PAWR: variants seen among roughly 807,000 people sequenced by gnomAD.
The protein encoded by PAWR is pro-apoptotic WT1 regulator, also known as PRKC apoptosis WT1 regulator protein.
Under a neutral mutation model 32.0 loss-of-function variants are expected in PAWR, and 23 were observed. That is an observed-to-expected ratio of 0.72 (90% CI 0.52 to 1.02). The LOEUF (loss-of-function observed/expected upper bound fraction) is 1.02. PAWR is among the 50% of genes least tolerant of loss of function. PAWR has a pLI of 0.00. For missense variants in PAWR, 457 were observed against 437.7 expected, an observed-to-expected ratio of 1.04 and a Z score of -0.39; for synonymous variants, 226 against 187.1, an observed-to-expected ratio of 1.21 and a Z score of -1.70.
intron 2 of PAWR, among the ~76,000 whole-genome samples, chr12:79,689,185 T>C (rs1460132439): frequency 6.6e-6 from 1 of 152,222 alleles, no homozygotes; most frequent in Non-Finnish European, 1.5e-5. Flanking sequence ...CTGATTTATA[T>C]ATAAAATAGT....
chr12:79,648,586 C>T (rs958292730), intron 2 of PAWR, among the ~76,000 whole-genome samples: 5 of 144,696 alleles, frequency 3.5e-5, no homozygotes, highest in African/African-American at 1.3e-4. Context: ...AGTTCAAGAC[C>T]AACCTGGGCA....
intron 2 of PAWR, among the ~76,000 whole-genome samples, chr12:79,673,942 T>C (rs994340558): frequency 6.6e-6 from 1 of 152,078 alleles, no homozygotes; most frequent in Non-Finnish European, 1.5e-5. Context: ...TGCTCATGGA[T>C]AGGAAGAATC....
chr12:79,677,936 T>G (rs1565703388), intron 2 of PAWR, among the ~76,000 whole-genome samples: 1 of 152,136 alleles, frequency 6.6e-6, no homozygotes. Flanking sequence ...AGAATCAAAC[T>G]CTAGCAATTT....
intron 2 of PAWR, among the ~76,000 whole-genome samples, chr12:79,678,868 ATTT>A (rs11383561): frequency 1.9e-4 from 24 of 127,820 alleles, no homozygotes; most frequent in Non-Finnish European, 1.4e-4. Context: ...CCTTTAGGGT[ATTT>A]TTTTTTTTTT....
chr12:79,634,450 C>A (rs567887358), intron 2 of PAWR, among the ~76,000 whole-genome samples: 3 of 152,200 alleles, frequency 2.0e-5, no homozygotes, highest in African/African-American at 7.2e-5. Context: ...ATAATTCTCA[C>A]AAAAATTTTA....
At chr12:79,669,697 T>G (rs1252807326) in intron 2 of PAWR, among the ~76,000 whole-genome samples, 1 of 152,184 alleles carries the variant, frequency 6.6e-6, no homozygotes, top group Non-Finnish European at 1.5e-5. Flanking sequence ...GTTATTTATA[T>G]AATGAATAAA....
chr12:79,689,978 C>G lies in PAWR; in HGVS notation c.267G>C (p.Val89=). ...GCATGGCGGAGCCGACCGCGCAGTT[C>G]ACGCCCCCGGGACCGGGGACGGCAG... The part of the protein sequence containing the change: ...AAPAVPGPGG[V]NCAVGSAMLT... Residue 89 remains valine (V), a synonymous_variant, in exon 2 of 7, where the codon GTG becomes GTC. Transcript: ENST00000328827. The G allele has an allele frequency of 7.5e-7, 1 of 1,340,396 alleles. No homozygotes were observed. Among genetic ancestry groups the G allele is most frequent in the Non-Finnish European group, 9.5e-7 (1 of 1,052,592 alleles). The allele number at this position is 1,340,396 out of a possible 1,614,324, so 83.0% of individuals were successfully genotyped here.
At chr12:79,622,102 G>A (rs923154657) in intron 2 of PAWR, among the ~76,000 whole-genome samples, 4 of 151,970 alleles carry the variant, frequency 2.6e-5, no homozygotes, top group Non-Finnish European at 5.9e-5. Context: ...TAACAGTATG[G>A]CAGTGAAGAC....
At position 79,690,082 on chromosome 12, in the gene PAWR, C is replaced by T; in HGVS notation, c.163G>A (p.Ala55Thr). ...GCCGCCGGGGTGCCCAGAGCCCCCGCGGGGGGCTTCCCAGCGGCGTCGCTG... is the reference window on the plus strand; with the variant it reads ...GCCGCCGGGGTGCCCAGAGCCCCCGTGGGGGGCTTCCCAGCGGCGTCGCTG... The part of the protein sequence containing the change: ...GSSDAAGKPP[A>T]GALGTPAAAA... Residue 55 changes from alanine (A) to threonine (T), a missense_variant, in exon 2 of 7, where the codon GCG (alanine) becomes ACG (threonine). Coordinates refer to ENST00000328827, the MANE Select transcript of PAWR (RefSeq NM_002583.4). 1.4e-6 allele frequency: 2 copies of T among 1,429,426 alleles called. No homozygotes were observed. Among genetic ancestry groups the T allele is most frequent in the Non-Finnish European group, 9.1e-7 (1 of 1,100,490 alleles). 88.5% of individuals were successfully genotyped at this position (1,429,426 alleles called of 1,614,324 possible).
At chr12:79,646,193 G>T (rs1021701809) in intron 2 of PAWR, among the ~76,000 whole-genome samples, 1 of 152,170 alleles carries the variant, frequency 6.6e-6, no homozygotes, top group Admixed American at 6.5e-5. Context: ...ATGGGGGAAA[G>T]CTGGAGAAAT....
At chr12:79,660,564 A>G (rs1358364126) in intron 2 of PAWR, among the ~76,000 whole-genome samples, 1 of 152,002 alleles carries the variant, frequency 6.6e-6, no homozygotes, top group East Asian at 1.9e-4. Context: ...CAAGATGGCT[A>G]AAAAAACATT....
Position 79,613,592 on chromosome 12 carries a change from A to C in PAWR, c.666T>G (p.Val222=). ...ATTCTTACCTTTTATATCTGCCTGAAACTGTTCTAGGTGGCTCCTGCAAAG... is the reference window on the plus strand; with the variant it reads ...ATTCTTACCTTTTATATCTGCCTGACACTGTTCTAGGTGGCTCCTGCAAAG... The part of the protein sequence containing the change: ...SYLLQEPPRT[V]SGRYKSTTSV... Residue 222 remains valine, a synonymous_variant, in exon 4 of 7, where the codon GTT becomes GTG. Coordinates refer to ENST00000328827, the MANE Select transcript of PAWR (RefSeq NM_002583.4). 1 of 1,550,188 alleles carries C rather than the reference A, an allele frequency of 6.5e-7. No homozygotes were observed. The highest frequency in any genetic ancestry group is 8.9e-7 in the Non-Finnish European group (1 of 1,127,284).
intron 4 of PAWR, among the ~76,000 whole-genome samples, chr12:79,613,289 T>C (rs941599614): frequency 2.0e-5 from 3 of 152,214 alleles, no homozygotes; most frequent in Non-Finnish European, 4.4e-5. Context: ...TCTACTTATA[T>C]TTTCAATGTT....
chr12:79,629,571 T>C (rs535654414), intron 2 of PAWR, among the ~76,000 whole-genome samples: 1 of 151,894 alleles, frequency 6.6e-6, no homozygotes, highest in African/African-American at 2.4e-5. Context: ...TAATACAACA[T>C]GAAGGTGGGA....
intron 4 of PAWR, among the ~76,000 whole-genome samples, chr12:79,608,039 A>G (rs1275308573): frequency 6.6e-6 from 1 of 151,640 alleles, no homozygotes; most frequent in East Asian, 1.9e-4. Context: ...ACAAGAGCAA[A>G]ACTCGGACTC....
At chr12:79,604,102 A>G (rs1874073041) in intron 4 of PAWR, 4 of 229,250 alleles carry the variant, frequency 1.7e-5, no homozygotes, top group Non-Finnish European at 2.9e-5. Context: ...TGCCAAATTT[A>G]GCCATTTAAC....
At position 79,621,239 on chromosome 12, in the gene PAWR, C is replaced by T. The variant is rs1382115915; in HGVS notation, c.517-32G>A. The T allele has an allele frequency of 3.9e-6, 6 of 1,521,866 alleles. No homozygotes were observed. In the South Asian group the frequency reaches 5.9e-5, roughly 15 times the overall value. 94.3% of individuals were successfully genotyped at this position (1,521,866 alleles called of 1,614,324 possible). On this transcript the variant is annotated intron_variant, in intron 2 of 6. Transcript: ENST00000328827. ...GAAAAAAAGAGTTTCCATTTTATTTCTACTATTAATAGACTGTTTCGATAA... is the reference window on the plus strand; with the variant it reads ...GAAAAAAAGAGTTTCCATTTTATTTTTACTATTAATAGACTGTTTCGATAA...
intron 2 of PAWR, among the ~76,000 whole-genome samples, chr12:79,665,013 T>C (rs1877536759): frequency 6.6e-6 from 1 of 152,110 alleles, no homozygotes; most frequent in Non-Finnish European, 1.5e-5. Context: ...TCAACAATAG[T>C]TATATTTTAA....
At chr12:79,659,553 A>G (rs940209364) in intron 2 of PAWR, among the ~76,000 whole-genome samples, 41 of 152,212 alleles carry the variant, frequency 2.7e-4, no homozygotes, top group Non-Finnish European at 1.0e-4. Context: ...GTCCGCACCA[A>G]GAAACCCCTA....
Sources: gnomAD v4.1 joint callset for allele counts (sites outside exome capture counted in the v4.1 genomes callset) on GRCh38, gnomAD v4.1.1 for gene constraint, MANE v1.5 for transcripts, NCBI Gene and HGNC (gene_info 2026-07-23, HGNC 2026-07-21) for gene names.